The following FBXL5 variants were observed in gnomAD, a reference collection of about 807,000 sequenced individuals.
FBXL5 encodes F-box and leucine rich repeat protein 5.
Under a neutral mutation model 78.3 loss-of-function variants are expected in FBXL5, and 26 were observed. The observed-to-expected ratio is 0.33, with a 90% CI of 0.24 to 0.46. The LOEUF is 0.46. Ranked by LOEUF, FBXL5 falls within the 20% of genes least tolerant of loss-of-function variation. The pLI, the probability that FBXL5 is intolerant of heterozygous loss-of-function variation, is 1.00. For missense variants in FBXL5, 710 were observed against 829.2 expected (o/e 0.86, Z 1.77); for synonymous variants, 295 against 282.5 (o/e 1.04, Z -0.45).
At chr4:15,632,261 C>G (rs990572224) in intron 5 of FBXL5, among the ~76,000 whole-genome samples, 4 of 152,054 alleles carry the variant, frequency 2.6e-5, no homozygotes, top group African/African-American at 9.7e-5. Flanking sequence ...CTGTTCTGTT[C>G]CATTGGTCTA....
intron 1 of FBXL5, among the ~76,000 whole-genome samples, chr4:15,666,538 A>G (rs181747114): frequency 3.3e-5 from 5 of 149,908 alleles, no homozygotes; most frequent in African/African-American, 4.9e-5. Flanking sequence ...CAAAGCATGC[A>G]AAGTGTCAGG....
intron 1 of FBXL5, among the ~76,000 whole-genome samples, chr4:15,647,132 A>C (rs1715443054): frequency 6.7e-6 from 1 of 149,868 alleles, no homozygotes; most frequent in Admixed American, 6.7e-5. Context: ...CTGAGACAGG[A>C]GAATCACTTG....
intron 7 of FBXL5, among the ~76,000 whole-genome samples, chr4:15,627,435 G>GT (rs1324424273): frequency 1.3e-5 from 2 of 152,056 alleles, no homozygotes; most frequent in Non-Finnish European, 2.9e-5. Context: ...ACCCGCCCAA[G>GT]TATCTGTTTT....
intron 1 of FBXL5, among the ~76,000 whole-genome samples, chr4:15,673,963 T>C (rs1717864939): frequency 6.6e-6 from 1 of 152,236 alleles, no homozygotes; most frequent in African/African-American, 2.4e-5. Context: ...ATATCCAATA[T>C]CTTGGAAAAC....
At position 15,666,690 on chromosome 4, in the gene FBXL5, G is replaced by C. The variant is rs577854025; in HGVS notation, c.-283-6768C>G. Among the ~76,000 whole-genome samples the C allele has an allele frequency of 2.6e-5, 4 of 152,086 alleles. No homozygotes were observed. The South Asian group carries it at 8.3e-4, about 32-fold the overall frequency. The stretch of plus-strand genomic sequence containing the variant: ...TACTAAACATCAAAAAAATTAGCCA[G>C]GTGTGGTGGTGTGTGCCTGTGATTC... On this transcript the variant is annotated intron_variant, in intron 1 of 4. Transcript: ENST00000507899.
At chr4:15,641,421 G>T (rs781138446) in intron 2 of FBXL5, 128 of 351,898 alleles carry the variant, frequency 3.6e-4, no homozygotes, top group Non-Finnish European at 6.5e-4. Flanking sequence ...TGAAGACAAT[G>T]AGGATAAAGA....
intron 3 of FBXL5, 67 bp from the exon 4 acceptor site, chr4:15,638,761 A>C: frequency 2.0e-6 from 2 of 1,005,568 alleles, no homozygotes; most frequent in Non-Finnish European, 2.9e-6. Context: ...AAACCCTTTT[A>C]AATTATTAAT....
intron 9 of FBXL5, among the ~76,000 whole-genome samples, chr4:15,619,105 G>C (rs906144753): frequency 1.2e-4 from 19 of 152,176 alleles, no homozygotes; most frequent in African/African-American, 4.6e-4. Flanking sequence ...TGAGGCTGCA[G>C]TGAGCCATAA....
intron 1 of FBXL5, among the ~76,000 whole-genome samples, chr4:15,646,815 C>T (rs774863375): frequency 2.0e-5 from 3 of 150,914 alleles, no homozygotes; most frequent in Non-Finnish European, 2.9e-5. Flanking sequence ...TTTGTCCTTG[C>T]GACAGTTTGC....
chr4:15,631,431 C>G (rs188840321), intron 5 of FBXL5, among the ~76,000 whole-genome samples: 1 of 152,200 alleles, frequency 6.6e-6, no homozygotes, highest in East Asian at 1.9e-4. Context: ...GGGTATATAC[C>G]CAGTAATGGG....
At chr4:15,654,818 G>A (rs1454249292) in intron 1 of FBXL5, among the ~76,000 whole-genome samples, 1 of 152,206 alleles carries the variant, frequency 6.6e-6, no homozygotes, top group Admixed American at 6.5e-5. Flanking sequence ...GTCCACCGCA[G>A]GTGGCCGGCC....
intron 6 of FBXL5, among the ~76,000 whole-genome samples, chr4:15,629,309 G>T (rs1231849526): frequency 6.6e-6 from 1 of 151,982 alleles, no homozygotes; most frequent in Non-Finnish European, 1.5e-5. Flanking sequence ...TTCTTACCAC[G>T]GGTATTATGA....
chr4:15,627,896 A>G lies in FBXL5; in HGVS notation c.1030T>C (p.Ser344Pro). The G allele has an allele frequency of 6.2e-7, 1 of 1,607,174 alleles. No individual in the cohort carries two copies. The highest frequency in any genetic ancestry group is 1.1e-5 in the South Asian group (1 of 89,944). Residue 344 changes from serine to proline, a missense_variant, in exon 7 of 11, where the codon TCC (serine) becomes CCC (proline). Transcript: ENST00000341285. ...TLVLAYSSAV[S>P]SKMVRQILEL... is the part of the protein sequence containing the mutation. ...TAATTTAAACATACCATTTTGCTGG[A>G]AACTGCAGAGCTGTATGCTAATACT...
chr4:15,667,379 G>A (rs1162080700), intron 1 of FBXL5, among the ~76,000 whole-genome samples: 1 of 152,128 alleles, frequency 6.6e-6, no homozygotes, highest in African/African-American at 2.4e-5. Context: ...TACATACCAA[G>A]TTGCAGTACC....
In FBXL5 at chr4:15,627,907, C is replaced by T; in HGVS notation, c.1019G>A (p.Ser340Asn). The T allele has an allele frequency of 6.2e-7, 1 of 1,613,202 alleles. No individual in the cohort carries two copies. Among genetic ancestry groups the T allele is most frequent in the Non-Finnish European group, 8.5e-7 (1 of 1,179,756 alleles). The change falls in exon 7 of 11, where the codon AGC becomes AAC. Residue 340 changes from serine (S) to asparagine (N), a missense_variant. Physicochemically the swap from Ser to Asn is conservative, Grantham distance 46. Around this residue, in one of 4 missense-constraint regions of FBXL5, gnomAD observed 517 missense variants for 542.9 expected, o/e 0.95. Transcript: ENST00000341285. ...TSVKTLVLAY[S>N]SAVSSKMVRQ... is the part of the protein sequence containing the mutation. ...TACCATTTTGCTGGAAACTGCAGAGCTGTATGCTAATACTAAGGTTTTTAC... is the reference window on the plus strand; with the variant it reads ...TACCATTTTGCTGGAAACTGCAGAGTTGTATGCTAATACTAAGGTTTTTAC...
intron 9 of FBXL5, among the ~76,000 whole-genome samples, chr4:15,614,584 G>A (rs945148923): frequency 1.3e-5 from 2 of 152,152 alleles, no homozygotes; most frequent in Non-Finnish European, 2.9e-5. Context: ...AAGACCATTA[G>A]GTGAGGGCAG....
intron 1 of FBXL5, among the ~76,000 whole-genome samples, chr4:15,665,193 T>C (rs73243114): frequency 0.092 from 14,049 of 152,174 alleles, 790 homozygotes; most frequent in Non-Finnish European, 0.13. Flanking sequence ...AGAATGCCTT[T>C]CTTATTTGTG....
intron 5 of FBXL5, among the ~76,000 whole-genome samples, chr4:15,631,075 C>A (rs1239194240): frequency 6.6e-6 from 1 of 152,010 alleles, no homozygotes; most frequent in Non-Finnish European, 1.5e-5. Flanking sequence ...CAGTCCCCTA[C>A]CCCCACCACA....
rs1294450924 is a variant in FBXL5, at chr4:15,626,931, G to C, written c.1066C>G (p.Pro356Ala). Reference sequence around the variant, plus strand: ...GTAAGATCCAGATGCTCCAGGTTAGGACAAAGCTCTAAAATCTGCCTAACC... The same window carrying C: ...GTAAGATCCAGATGCTCCAGGTTAGCACAAAGCTCTAAAATCTGCCTAACC... ...KMVRQILELC[P>A]NLEHLDLTQT... The change falls in exon 8 of 11, where the codon CCT becomes GCT. Residue 356 changes from proline (P) to alanine (A), a missense_variant. Pro to Ala is a conservative substitution (Grantham distance 27). Around this residue, in one of 4 missense-constraint regions of FBXL5, gnomAD observed 517 missense variants for 542.9 expected, o/e 0.95. Coordinates refer to ENST00000341285, the MANE Select transcript of FBXL5 (RefSeq NM_012161.4). 13 of 1,611,056 alleles carry C rather than the reference G, an allele frequency of 8.1e-6. No individual in the cohort carries two copies. The highest frequency in any genetic ancestry group is 1.3e-5 in the African/African-American group (1 of 74,840).
Sources: allele counts gnomAD v4.1 joint callset (sites outside exome capture counted in the v4.1 genomes callset), GRCh38; gene constraint gnomAD v4.1.1; regional missense constraint gnomAD v4.1.1; transcripts MANE v1.5; gene names NCBI Gene and HGNC (gene_info 2026-07-23, HGNC 2026-07-21).